ARID1B: variants seen among roughly 807,000 people sequenced by gnomAD.
ARID1B encodes AT-rich interactive domain-containing protein 1B.
In ARID1B, 30 loss-of-function variants were observed where a neutral mutation model predicts 212.3. The observed-to-expected ratio is 0.14, with a 90% CI of 0.11 to 0.19. The LOEUF (loss-of-function observed/expected upper bound fraction) is 0.19. Among genes scored for constraint, ARID1B ranks in the 10% least tolerant of loss-of-function variants. The pLI, the probability that ARID1B is intolerant of heterozygous loss-of-function variation, is 1.00. For synonymous variants in ARID1B, 1,402 were observed against 1,301.7 expected (o/e 1.08, Z -1.66); for missense variants, 2,891 against 3,204.0 (o/e 0.90, Z 2.36).
intron 2 of ARID1B, among the ~76,000 whole-genome samples, chr6:156,858,621 T>G (rs1017765935): frequency 6.6e-6 from 1 of 152,002 alleles, no homozygotes; most frequent in Non-Finnish European, 1.5e-5. Flanking sequence ...ATACAAAAAT[T>G]AGCCAGGTGT....
intron 1 of ARID1B, among the ~76,000 whole-genome samples, chr6:156,786,002 C>T (rs998645594): frequency 3.9e-5 from 6 of 152,112 alleles, no homozygotes; most frequent in African/African-American, 1.4e-4. Context: ...TTTTTGGAAC[C>T]TTTCTAAAGT....
intron 2 of ARID1B, among the ~76,000 whole-genome samples, chr6:156,895,081 A>G (rs1788275078): frequency 6.6e-6 from 1 of 152,250 alleles, no homozygotes; most frequent in African/African-American, 2.4e-5. Flanking sequence ...AAAGGTGGAC[A>G]AGTTTCCAAA....
intron 4 of ARID1B, among the ~76,000 whole-genome samples, chr6:157,078,800 A>G (rs949769321): frequency 8.5e-5 from 13 of 152,242 alleles, no homozygotes; most frequent in African/African-American, 2.7e-4. Flanking sequence ...TAAAGTGTCA[A>G]TTTAGCTGAT....
intron 2 of ARID1B, among the ~76,000 whole-genome samples, chr6:156,830,567 ATT>A (rs899238635): frequency 1.3e-5 from 2 of 152,034 alleles, no homozygotes; most frequent in African/African-American, 2.4e-5. Context: ...GTGATTTATT[ATT>A]TGTTTCATTA....
intron 1 of ARID1B, among the ~76,000 whole-genome samples, chr6:156,827,859 C>T (rs1475353583): frequency 1.5e-5 from 2 of 135,362 alleles, no homozygotes; most frequent in African/African-American, 5.4e-5. Context: ...CTCCTGGGTT[C>T]AAGCGATTCT....
chr6:156,890,985 T>TA (rs1227786095), intron 2 of ARID1B, among the ~76,000 whole-genome samples: 2 of 152,220 alleles, frequency 1.3e-5, no homozygotes, highest in African/African-American at 4.8e-5. Context: ...GCACCTAAGC[T>TA]GTTTAGGAGT....
intron 8 of ARID1B, among the ~76,000 whole-genome samples, chr6:157,161,431 G>GTGTGTGTGTGTGTATATATATA (rs540423195): frequency 7.2e-6 from 1 of 139,380 alleles, no homozygotes; most frequent in African/African-American, 2.8e-5. Context: ...TTGTGTGTGT[G>GTGTGTGTGTGTGTATATATATA]TATATATATA....
intron 4 of ARID1B, among the ~76,000 whole-genome samples, chr6:157,004,105 A>C (rs376944027): frequency 6.6e-6 from 1 of 152,092 alleles, no homozygotes; most frequent in African/African-American, 2.4e-5. Flanking sequence ...AGGTCTGGCT[A>C]TATTGCCCAG....
At chr6:157,174,817 A>ATTT in intron 10 of ARID1B, 30 bp from the exon 11 acceptor site, 35 of 1,281,542 alleles carry the variant, frequency 2.7e-5, no homozygotes, top group South Asian at 1.1e-4. Flanking sequence ...TACCTTTGTC[A>ATTT]TTTTTTTTTT....
chr6:156,956,149 G>T (rs1793962564), intron 4 of ARID1B, among the ~76,000 whole-genome samples: 1 of 152,136 alleles, frequency 6.6e-6, no homozygotes, highest in African/African-American at 2.4e-5. Flanking sequence ...AGTGCACAGG[G>T]GCTGCCTCTA....
chr6:156,923,728 A>G (rs1790991623), intron 3 of ARID1B, among the ~76,000 whole-genome samples: 2 of 150,238 alleles, frequency 1.3e-5, no homozygotes, highest in African/African-American at 2.5e-5. Context: ...TTTTAAAGAC[A>G]GAGTCTTGCC....
intron 2 of ARID1B, among the ~76,000 whole-genome samples, chr6:156,847,713 A>G (rs946179653): frequency 6.6e-6 from 1 of 152,200 alleles, no homozygotes; most frequent in Admixed American, 6.5e-5. Flanking sequence ...CTGCAGGTAA[A>G]CATGATTTTT....
intron 6 of ARID1B, among the ~76,000 whole-genome samples, chr6:157,120,102 T>C (rs545102280): frequency 6.6e-6 from 1 of 152,352 alleles, no homozygotes; most frequent in Admixed American, 6.5e-5. Context: ...CCTTAAAAAG[T>C]AGTTTATTTG....
At chr6:157,035,229 G>A (rs188806866) in intron 4 of ARID1B, among the ~76,000 whole-genome samples, 31 of 152,172 alleles carry the variant, frequency 2.0e-4, no homozygotes, top group African/African-American at 6.0e-4. Flanking sequence ...ATTTTTTCTT[G>A]CAAAGTTAAA....
intron 2 of ARID1B, among the ~76,000 whole-genome samples, chr6:156,861,796 C>T (rs1204144841): frequency 6.6e-6 from 1 of 152,014 alleles, no homozygotes; most frequent in Non-Finnish European, 1.5e-5. Flanking sequence ...CTCTAGAAGG[C>T]TCATTGCTGG....
intron 8 of ARID1B, among the ~76,000 whole-genome samples, chr6:157,157,585 T>A (rs1402906427): frequency 6.6e-6 from 1 of 152,168 alleles, no homozygotes; most frequent in Admixed American, 6.6e-5. Flanking sequence ...TATTGCAGCT[T>A]GGGGTTTGGA....
intron 4 of ARID1B, among the ~76,000 whole-genome samples, chr6:157,017,608 A>AT (rs1207935470): frequency 6.6e-6 from 1 of 152,218 alleles, no homozygotes; most frequent in Non-Finnish European, 1.5e-5. Context: ...AAATTCTAAA[A>AT]TAAAAACTCA....
chr6:156,954,016 T>C (rs1023629511), intron 4 of ARID1B, among the ~76,000 whole-genome samples: 4 of 152,222 alleles, frequency 2.6e-5, no homozygotes, highest in African/African-American at 9.6e-5. Flanking sequence ...TTTTGGTTTA[T>C]GCATTATTAA....
intron 5 of ARID1B, among the ~76,000 whole-genome samples, chr6:157,103,458 AG>A (rs1786230764): frequency 6.6e-6 from 1 of 152,238 alleles, no homozygotes; most frequent in Admixed American, 6.5e-5. Flanking sequence ...GGCACTTGTT[AG>A]TACTGACTGC....
Sources: gnomAD v4.1 joint callset for allele counts (sites outside exome capture counted in the v4.1 genomes callset) on GRCh38, gnomAD v4.1.1 for gene constraint, MANE v1.5 for transcripts, NCBI Gene and HGNC (gene_info 2026-07-23, HGNC 2026-07-21) for gene names.